Variants in CDH10 observed in about 807,000 individuals in gnomAD.
The protein encoded by CDH10 is cadherin-10.
Under a neutral mutation model 73.1 loss-of-function variants are expected in CDH10, and 30 were observed. The observed-to-expected ratio is 0.41, with a 90% CI of 0.31 to 0.56. CDH10 has a LOEUF of 0.56. CDH10 is among the 20% of genes least tolerant of loss of function. CDH10 has a pLI of 0.27. For missense variants in CDH10, 815 were observed against 973.7 expected, an observed-to-expected ratio of 0.84 and a Z score of 2.17; for synonymous variants, 345 against 348.2, an observed-to-expected ratio of 0.99 and a Z score of 0.10.
chr5:24,549,798 C>T (rs549157971), intron 2 of CDH10, among the ~76,000 whole-genome samples: 4 of 152,078 alleles, frequency 2.6e-5, no homozygotes, highest in East Asian at 1.9e-4. Context: ...GTGAGCTGCT[C>T]GCCTCAGCCT....
At chr5:24,638,368 A>AG (rs553243287) in intron 1 of CDH10, among the ~76,000 whole-genome samples, 1 of 151,788 alleles carries the variant, frequency 6.6e-6, no homozygotes. Flanking sequence ...TACAGCAAGA[A>AG]GGGGGGGAAG....
At chr5:24,630,985 A>T (rs1271319582) in intron 1 of CDH10, among the ~76,000 whole-genome samples, 1 of 152,170 alleles carries the variant, frequency 6.6e-6, no homozygotes, top group Non-Finnish European at 1.5e-5. Flanking sequence ...AGGTGTAGCT[A>T]GATTGAATAC....
At chr5:24,507,618 A>G (rs10078228) in intron 7 of CDH10, among the ~76,000 whole-genome samples, 5,616 of 152,176 alleles carry the variant, frequency 0.037, 353 homozygotes, top group African/African-American at 0.13. Context: ...TAACAATATT[A>G]TATTTTATTT....
intron 5 of CDH10, among the ~76,000 whole-genome samples, chr5:24,515,786 AC>A (rs1743087985): frequency 1.3e-5 from 2 of 152,094 alleles, no homozygotes; most frequent in African/African-American, 4.8e-5. Flanking sequence ...CGCAATTCCC[AC>A]GTGTCATGGG....
intron 5 of CDH10, among the ~76,000 whole-genome samples, chr5:24,530,329 A>G (rs752386332): frequency 7.2e-5 from 11 of 151,954 alleles, no homozygotes; most frequent in Non-Finnish European, 1.6e-4. Context: ...CCTTTTGGAA[A>G]CAAATACTGT....
At chr5:24,537,131 A>C (rs750611779) in intron 3 of CDH10, among the ~76,000 whole-genome samples, 1 of 151,950 alleles carries the variant, frequency 6.6e-6, no homozygotes, top group African/African-American at 2.4e-5. Context: ...CTGAAGTTCA[A>C]TGATATTTTC....
intron 1 of CDH10, among the ~76,000 whole-genome samples, chr5:24,616,338 G>A (rs1247905497): frequency 1.3e-5 from 2 of 152,086 alleles, no homozygotes; most frequent in Non-Finnish European, 2.9e-5. Flanking sequence ...AACGAATTTG[G>A]ATTATGGTTA....
intron 2 of CDH10, among the ~76,000 whole-genome samples, chr5:24,582,173 T>C (rs1475517247): frequency 1.3e-5 from 2 of 152,048 alleles, no homozygotes; most frequent in African/African-American, 4.8e-5. Flanking sequence ...TTGGTAACAG[T>C]GAAAACTAGG....
Position 24,593,467 on chromosome 5 carries a change from T to C in CDH10, c.24A>G (p.Leu8=), listed in dbSNP as rs201468466. The change falls in exon 2 of 12, where the codon CTA becomes CTG. Residue 8 remains leucine, a synonymous_variant. Transcript: ENST00000264463. ...GCAGGCATACCCAGAATAGAAACAGTAGCAAAAATTGATGTATTGTCATAG... is the reference window on the plus strand; with the variant it reads ...GCAGGCATACCCAGAATAGAAACAGCAGCAAAAATTGATGTATTGTCATAG... MTIHQFL[L]LFLFWVCLPH... is the part of the protein sequence containing the mutation. The C allele has an allele frequency of 2.4e-5, 39 of 1,599,770 alleles. No homozygotes were observed. Among genetic ancestry groups the C allele is most frequent in the Admixed American group, 1.3e-4 (8 of 59,816 alleles).
At chr5:24,604,226 T>G (rs1746673326) in intron 1 of CDH10, among the ~76,000 whole-genome samples, 1 of 152,022 alleles carries the variant, frequency 6.6e-6, no homozygotes, top group Admixed American at 6.6e-5. Flanking sequence ...GGCACAGGCC[T>G]GTAGTAGCTA....
chr5:24,528,448 A>C (rs1561142526), intron 5 of CDH10, among the ~76,000 whole-genome samples: 1 of 151,878 alleles, frequency 6.6e-6, no homozygotes, highest in Non-Finnish European at 1.5e-5. Context: ...TATTAAATCA[A>C]ATCTCTCTTG....
Position 24,487,515 on chromosome 5 carries a change from A to C in CDH10, c.*148T>G, listed in dbSNP as rs1741882834. The C allele has an allele frequency of 1.4e-6, 1 of 700,168 alleles. No homozygotes were observed. Among genetic ancestry groups the C allele is most frequent in the South Asian group, 1.9e-5 (1 of 53,898 alleles). 43.4% of individuals were successfully genotyped at this position (700,168 alleles called of 1,614,324 possible). A position where few individuals can be genotyped will look rare whatever the true frequency, so the allele number is the denominator to read the frequency against. On this transcript the variant is annotated 3_prime_UTR_variant, in exon 12 of 12. Coordinates refer to ENST00000264463, the MANE Select transcript of CDH10 (RefSeq NM_006727.5). ...ATGAGACATCCTACAGGAAAGAATT[A>C]ATGTAATTAATGAACAAATTAAGAA...
chr5:24,599,861 T>C (rs532546384), intron 1 of CDH10, among the ~76,000 whole-genome samples: 1 of 152,130 alleles, frequency 6.6e-6, no homozygotes. Context: ...CTAATTATGG[T>C]TTAATATTTG....
At chr5:24,547,002 A>C (rs1420409489) in intron 2 of CDH10, among the ~76,000 whole-genome samples, 1 of 152,212 alleles carries the variant, frequency 6.6e-6, no homozygotes, top group African/African-American at 2.4e-5. Flanking sequence ...AAAAGTATAA[A>C]TCTGCACAAA....
chr5:24,525,849 A>G (rs1481870450), intron 5 of CDH10, among the ~76,000 whole-genome samples: 7 of 152,222 alleles, frequency 4.6e-5, no homozygotes, highest in African/African-American at 1.4e-4. Flanking sequence ...CAAAGCTTTC[A>G]GCGAAGCTGC....
At chr5:24,546,090 GA>G (rs1452396007) in intron 2 of CDH10, among the ~76,000 whole-genome samples, 5 of 152,066 alleles carry the variant, frequency 3.3e-5, no homozygotes, top group Non-Finnish European at 5.9e-5. Context: ...AGAGATAAAC[GA>G]AGTTGGATCT....
At chr5:24,590,847 T>C (rs1342395704) in intron 2 of CDH10, among the ~76,000 whole-genome samples, 1 of 152,062 alleles carries the variant, frequency 6.6e-6, no homozygotes, top group Non-Finnish European at 1.5e-5. Context: ...TCACCATGTT[T>C]CCATATGTCT....
At position 24,491,127 on chromosome 5, in the gene CDH10, A is replaced by G. The variant is rs1042745686; in HGVS notation, c.1876+449T>C. Among the ~76,000 whole-genome samples the G allele has an allele frequency of 3.9e-5, 6 of 152,148 alleles. 1 individual carries two copies. The highest frequency in any genetic ancestry group is 1.4e-4 in the African/African-American group (6 of 41,446). ...AAAATAACTGGGGTCCTGGCCACTG[A>G]TGCGTCTCCTTTCATTTGTTCACTG... On this transcript the variant is annotated intron_variant, in intron 11 of 11. Coordinates refer to ENST00000264463, the MANE Select transcript of CDH10 (RefSeq NM_006727.5).
intron 2 of CDH10, among the ~76,000 whole-genome samples, chr5:24,585,945 A>C (rs1472460127): frequency 1.3e-5 from 2 of 152,208 alleles, no homozygotes; most frequent in African/African-American, 4.8e-5. Context: ...TATGATGCAG[A>C]CTTGCAAATA....
Sources: allele counts gnomAD v4.1 joint callset (sites outside exome capture counted in the v4.1 genomes callset), GRCh38; gene constraint gnomAD v4.1.1; transcripts MANE v1.5; gene names NCBI Gene and HGNC (gene_info 2026-07-23, HGNC 2026-07-21).